The following PTAFR variants were observed in gnomAD, a reference collection of about 807,000 sequenced individuals.
The protein encoded by PTAFR is platelet-activating factor receptor.
A neutral mutation model predicts 14.7 loss-of-function variants in PTAFR; 8 were observed. That is an observed-to-expected ratio of 0.54 (90% confidence interval 0.32 to 0.98). PTAFR has a LOEUF of 0.98. Among genes scored for constraint, PTAFR ranks in the 50% least tolerant of loss-of-function variants. The probability of loss-of-function intolerance (pLI) is 0.04; values close to 1 mark genes in which losing one functional copy is unlikely to be tolerated. For synonymous variants in PTAFR, 156 were observed against 176.5 expected (o/e 0.88, Z 0.92); for missense variants, 337 against 451.2 (o/e 0.75, Z 2.29).
chr1:28,149,996 AT>A lies in PTAFR; in HGVS notation c.1025del (p.Asn342IlefsTer8), dbSNP rs1478808741. 6.2e-7 allele frequency: 1 copy of A among 1,610,456 alleles called. No individual in the cohort carries two copies. Among genetic ancestry groups the A allele is most frequent in the East Asian group, 2.2e-5 (1 of 44,854 alleles). ...ACTTCAGGCCTGGAAGCAGGGACTA[AT>A]TTTTGAGGGAATTGCCAGGGATCTG... ...FNQIPGNSLK[N>X] On this transcript the variant is annotated frameshift_variant, in exon 2 of 2. Coordinates refer to ENST00000373857, the MANE Select transcript of PTAFR (RefSeq NM_000952.5). LOFTEE classifies it high-confidence loss of function.
At position 28,174,023 on chromosome 1, in the gene PTAFR, T is replaced by C. The variant is rs577095961; in HGVS notation, c.-39+2569A>G. Among the ~76,000 whole-genome samples, 8 of 152,138 alleles carry C rather than the reference T, an allele frequency of 5.3e-5. No homozygotes were observed. The South Asian group carries it at 1.7e-3, about 32-fold the overall frequency. On this transcript the variant is annotated intron_variant, in intron 1 of 1. Transcript: ENST00000373857. ...CTCCCGGCCCATCATTCCAGATACA[T>C]GTAGACATAGCCAGAGCCAGCTCCC...
Position 28,147,841 on chromosome 1 carries a change from C to G in PTAFR, c.*2152G>C, listed in dbSNP as rs983958885. The G allele has an allele frequency of 6.6e-6, 1 of 152,084 alleles. No individual in the cohort carries two copies. The highest frequency in any genetic ancestry group is 2.4e-5 in the African/African-American group (1 of 41,378). The allele number at this position is 152,084 out of a possible 1,614,324, so 9.4% of individuals were successfully genotyped here. The stretch of plus-strand genomic sequence containing the variant: ...AGCTTTAACCTCATAGGTAATGACC[C>G]TAAGAGGTAGGAAATTCAGTGCCTG... On this transcript the variant is annotated 3_prime_UTR_variant, in exon 2 of 2. Transcript: ENST00000373857.
At chr1:28,175,192 G>A (rs1386410656) in intron 1 of PTAFR, among the ~76,000 whole-genome samples, 1 of 152,070 alleles carries the variant, frequency 6.6e-6, no homozygotes. Context: ...GATTACAGAC[G>A]TGAGCCACCA....
In PTAFR at chr1:28,149,965, G is replaced by T. The variant is rs1262415687; in HGVS notation, c.*28C>A. 6.3e-7 allele frequency: 1 copy of T among 1,590,124 alleles called. No individual in the cohort carries two copies. On this transcript the variant is annotated 3_prime_UTR_variant, in exon 2 of 2. Transcript: ENST00000373857. ...AGCTCAGTCCATGATGTTCATGGAGGAGAAGACTTCAGGCCTGGAAGCAGG... is the reference window on the plus strand; with the variant it reads ...AGCTCAGTCCATGATGTTCATGGAGTAGAAGACTTCAGGCCTGGAAGCAGG...
intron 1 of PTAFR, among the ~76,000 whole-genome samples, chr1:28,172,306 G>A (rs148673130): frequency 3.9e-5 from 6 of 152,206 alleles, no homozygotes; most frequent in African/African-American, 1.2e-4. Flanking sequence ...ATGAGCCACC[G>A]CACACAGCCA....
intron 1 of PTAFR, among the ~76,000 whole-genome samples, chr1:28,162,481 G>T (rs1480245979): frequency 6.6e-6 from 1 of 152,138 alleles, no homozygotes; most frequent in African/African-American, 2.4e-5. Context: ...CCACCTGCAA[G>T]CTTGTTAGAA....
At chr1:28,177,524 G>A (rs949862084), upstream of PTAFR, among the ~76,000 whole-genome samples, 11 of 152,168 alleles carry the variant, frequency 7.2e-5, no homozygotes, top group African/African-American at 2.2e-4. Context: ...AAAGTGTTGG[G>A]ATTACAGGCA....
upstream of PTAFR, among the ~76,000 whole-genome samples, chr1:28,178,288 T>A (rs1221074483): frequency 6.6e-6 from 1 of 151,140 alleles, no homozygotes; most frequent in East Asian, 1.9e-4. Context: ...TGAGACAGAG[T>A]CTCACTCTGT....
At chr1:28,191,531 T>C (rs751407186) in intron 1 of PTAFR, among the ~76,000 whole-genome samples, 11 of 151,642 alleles carry the variant, frequency 7.3e-5, no homozygotes, top group Non-Finnish European at 1.3e-4. Context: ...CTCAGGAGTT[T>C]GAGACCAGCC....
At chr1:28,187,374 AAAT>A (rs1646615532) in intron 1 of PTAFR, among the ~76,000 whole-genome samples, 1 of 152,246 alleles carries the variant, frequency 6.6e-6, no homozygotes, top group South Asian at 2.1e-4. Context: ...TTAAGGAAAA[AAAT>A]AATAAAATTA....
chr1:28,169,215 G>A (rs1469632571), intron 1 of PTAFR, among the ~76,000 whole-genome samples: 1 of 150,958 alleles, frequency 6.6e-6, no homozygotes, highest in Non-Finnish European at 1.5e-5. Context: ...GGACAACATA[G>A]CAACACCCCA....
chr1:28,171,912 TCCAGGACAGGG>T (rs1216436784), intron 1 of PTAFR, among the ~76,000 whole-genome samples: 1 of 152,030 alleles, frequency 6.6e-6, no homozygotes. Flanking sequence ...CAATTTTGCT[TCCAGGACAGGG>T]CCAGGAAGAG....
chr1:28,177,551 G>C (rs182547853), upstream of PTAFR, among the ~76,000 whole-genome samples: 3 of 152,272 alleles, frequency 2.0e-5, no homozygotes, highest in East Asian at 5.8e-4. Context: ...ACTGAGCCTG[G>C]CCCTGTGTTT....
At chr1:28,169,329 C>A (rs963939262) in intron 1 of PTAFR, among the ~76,000 whole-genome samples, 1 of 151,662 alleles carries the variant, frequency 6.6e-6, no homozygotes, top group Non-Finnish European at 1.5e-5. Flanking sequence ...GCCTAAGAGA[C>A]GACAAATTTG....
intron 1 of PTAFR, among the ~76,000 whole-genome samples, chr1:28,152,285 C>T (rs1372388144): frequency 6.6e-6 from 1 of 152,090 alleles, no homozygotes; most frequent in East Asian, 1.9e-4. Flanking sequence ...AGTTCTGTTT[C>T]TCTTCTTTTA....
rs749181229 is a variant in PTAFR, at chr1:28,150,436, AGAAGCT to A, written c.580_585del (p.Ser194_Phe195del). On this transcript the variant is annotated inframe_deletion, in exon 2 of 2. Coordinates refer to ENST00000373857, the MANE Select transcript of PTAFR (RefSeq NM_000952.5). The surrounding 1 kb of genome is among the most constrained non-coding windows in gnomAD (Gnocchi z 6.3). Reference sequence around the variant, plus strand: ...AAGAGGATGATGAGGAAGACCAGGAAGAAGCTGAACACGATGAAGATGTGGATGATG... The same window carrying A: ...AAGAGGATGATGAGGAAGACCAGGAAGAACACGATGAAGATGTGGATGATG... The A allele has an allele frequency of 3.7e-6, 6 of 1,614,026 alleles. No homozygotes were observed. The highest frequency in any genetic ancestry group is 5.1e-6 in the Non-Finnish European group (6 of 1,180,016).
At chr1:28,183,967 G>A (rs1646583522) in intron 1 of PTAFR, among the ~76,000 whole-genome samples, 2 of 151,634 alleles carry the variant, frequency 1.3e-5, no homozygotes, top group African/African-American at 4.8e-5. Context: ...CCAAAATCTT[G>A]CCACTTCTCA....
chr1:28,169,618 C>T (rs1646430082), intron 1 of PTAFR, among the ~76,000 whole-genome samples: 1 of 152,188 alleles, frequency 6.6e-6, no homozygotes, highest in Non-Finnish European at 1.5e-5. Flanking sequence ...CTCTGATTCT[C>T]AGGTCCCTCA....
intron 1 of PTAFR, among the ~76,000 whole-genome samples, chr1:28,153,724 C>T (rs1461948014): frequency 6.6e-6 from 1 of 151,882 alleles, no homozygotes; most frequent in East Asian, 1.9e-4. Flanking sequence ...TGTGTCTCTA[C>T]TAAAAATACA....
Sources: allele counts gnomAD v4.1 joint callset (sites outside exome capture counted in the v4.1 genomes callset), GRCh38; gene constraint gnomAD v4.1.1; non-coding constraint Gnocchi (gnomAD v3.1); transcripts MANE v1.5; gene names NCBI Gene and HGNC (gene_info 2026-07-23, HGNC 2026-07-21).